Variants in RAB27B observed in about 807,000 individuals in gnomAD.
RAB27B encodes the protein RAB27B, member RAS oncogene family.
Under a neutral mutation model 24.6 loss-of-function variants are expected in RAB27B, and 15 were observed. The observed-to-expected ratio is 0.61, with a 90% confidence interval of 0.41 to 0.94. The LOEUF is 0.94. RAB27B is among the 40% of genes least tolerant of loss of function. RAB27B has a pLI of 0.00. For missense variants in RAB27B, 261 were observed against 266.8 expected (o/e 0.98, Z 0.15); for synonymous variants, 105 against 92.5 (o/e 1.14, Z -0.78).
chr18:54,832,356 G>A (rs1910715177), intron 1 of RAB27B, among the ~76,000 whole-genome samples: 1 of 152,218 alleles, frequency 6.6e-6, no homozygotes, highest in African/African-American at 2.4e-5. Context: ...TGGGTAGACA[G>A]AAGGCCATTT....
At chr18:54,786,324 T>C (rs1254653977) in intron 2 of RAB27B, among the ~76,000 whole-genome samples, 2 of 152,234 alleles carry the variant, frequency 1.3e-5, no homozygotes, top group Non-Finnish European at 2.9e-5. Flanking sequence ...CCAGACCTGT[T>C]CTTACTTTTC....
intron 1 of RAB27B, among the ~76,000 whole-genome samples, chr18:54,873,508 G>A (rs952251206): frequency 6.6e-6 from 1 of 152,110 alleles, no homozygotes; most frequent in African/African-American, 2.4e-5. Context: ...AAACTTGTCA[G>A]CCTTTTGATC....
chr18:54,718,139 G>A (rs1909247097), exon 2 of RAB27B: 1 of 152,180 alleles, frequency 6.6e-6, no homozygotes, highest in Non-Finnish European at 1.5e-5. Flanking sequence ...GGCGTTTGGA[G>A]GTGTGAGTAC....
At chr18:54,756,728 A>G (rs1366444022) in intron 2 of RAB27B, among the ~76,000 whole-genome samples, 3 of 152,180 alleles carry the variant, frequency 2.0e-5, no homozygotes, top group Non-Finnish European at 4.4e-5. Context: ...TTAAATGAAT[A>G]TGGATGAATG....
intron 1 of RAB27B, among the ~76,000 whole-genome samples, chr18:54,858,525 A>G (rs1911880361): frequency 6.9e-6 from 1 of 144,132 alleles, no homozygotes; most frequent in South Asian, 2.1e-4. Context: ...CTGGGACTAC[A>G]GGTGCCTGCC....
chr18:54,884,562 T>G, intron 4 of RAB27B, 126 bp downstream of exon 4: 1 of 616,666 alleles, frequency 1.6e-6, no homozygotes, highest in Non-Finnish European at 2.9e-6. Context: ...GAGTTTAGTG[T>G]TGCCTGTGCC....
At chr18:54,741,873 CAGT>C (rs1439156742) in intron 2 of RAB27B, among the ~76,000 whole-genome samples, 1 of 152,118 alleles carries the variant, frequency 6.6e-6, no homozygotes, top group East Asian at 1.9e-4. Context: ...CCTAAGCTGG[CAGT>C]AGGTAAGAAG....
At position 54,848,949 on chromosome 18, in the gene RAB27B, T is replaced by G. The variant is rs76438330; in HGVS notation, c.-20+20249T>G. On this transcript the variant is annotated intron_variant, in intron 1 of 5. Transcript: ENST00000262094. Reference sequence around the variant, plus strand: ...GATTAGAAATAAATAAGAAATAGAATATTCAAATAATGGCTCAAACACTGC... The same window carrying G: ...GATTAGAAATAAATAAGAAATAGAAGATTCAAATAATGGCTCAAACACTGC... Among the ~76,000 whole-genome samples, 36 of 152,338 alleles carry G rather than the reference T, an allele frequency of 2.4e-4. No individual in the cohort carries two copies. The East Asian group carries it at 6.7e-3, about 29-fold the overall frequency.
intron 2 of RAB27B, among the ~76,000 whole-genome samples, chr18:54,720,719 T>C (rs1909332723): frequency 6.6e-6 from 1 of 152,056 alleles, no homozygotes; most frequent in African/African-American, 2.4e-5. Flanking sequence ...CAATAAGTCA[T>C]CCAGGGACCA....
chr18:54,774,366 C>T (rs1460214207), intron 2 of RAB27B, among the ~76,000 whole-genome samples: 1 of 152,184 alleles, frequency 6.6e-6, no homozygotes, highest in Admixed American at 6.5e-5. Context: ...CTTCCAACAA[C>T]TTAAAGAAGG....
At chr18:54,796,994 T>C (rs943572255) in intron 2 of RAB27B, among the ~76,000 whole-genome samples, 3 of 152,234 alleles carry the variant, frequency 2.0e-5, no homozygotes, top group African/African-American at 7.2e-5. Flanking sequence ...CCGTCTTTTC[T>C]CCATTTCAGA....
intron 1 of RAB27B, among the ~76,000 whole-genome samples, chr18:54,871,152 A>T (rs150992699): frequency 1.5e-3 from 233 of 152,364 alleles, no homozygotes; most frequent in African/African-American, 5.2e-3. Flanking sequence ...AGTCTTTAAG[A>T]AGAGTTGAAA....
At chr18:54,728,892 A>AAAAAAAAAAAC in intron 2 of RAB27B, among the ~76,000 whole-genome samples, 1 of 102,566 alleles carries the variant, frequency 9.7e-6, no homozygotes, top group Non-Finnish European at 2.1e-5. Flanking sequence ...AAAAAAAAAA[A>AAAAAAAAAAAC]AAAAAAAACC....
upstream of RAB27B, among the ~76,000 whole-genome samples, chr18:54,827,635 T>A (rs977849404): frequency 6.6e-6 from 1 of 152,222 alleles, no homozygotes; most frequent in Non-Finnish European, 1.5e-5. Context: ...GTAATTAAAA[T>A]TCAAGCAGTC....
intron 2 of RAB27B, among the ~76,000 whole-genome samples, chr18:54,790,798 A>G (rs891388014): frequency 6.6e-6 from 1 of 152,194 alleles, no homozygotes; most frequent in Non-Finnish European, 1.5e-5. Flanking sequence ...TGACTTGTTA[A>G]ATATTGTCAA....
intron 2 of RAB27B, among the ~76,000 whole-genome samples, chr18:54,792,729 G>A (rs1909290546): frequency 6.6e-6 from 1 of 151,712 alleles, no homozygotes; most frequent in Admixed American, 6.6e-5. Context: ...TGGTGTTAAG[G>A]AACTCGTGAA....
At chr18:54,748,703 G>A (rs910029536) in intron 2 of RAB27B, among the ~76,000 whole-genome samples, 5 of 152,190 alleles carry the variant, frequency 3.3e-5, no homozygotes, top group Admixed American at 2.6e-4. Context: ...CAGTGGTGAT[G>A]GGGTCAAAGG....
chr18:54,855,136 C>T (rs1911730398), intron 1 of RAB27B, among the ~76,000 whole-genome samples: 1 of 152,186 alleles, frequency 6.6e-6, no homozygotes, highest in African/African-American at 2.4e-5. Flanking sequence ...AAGAAGCGTG[C>T]AACCCAGATC....
chr18:54,838,793 A>AT (rs1016498776), intron 1 of RAB27B, among the ~76,000 whole-genome samples: 1 of 151,902 alleles, frequency 6.6e-6, no homozygotes, highest in Non-Finnish European at 1.5e-5. Context: ...GTGGTCTTTA[A>AT]TTTTTTTTCT....
Sources: allele counts gnomAD v4.1 joint callset (sites outside exome capture counted in the v4.1 genomes callset), GRCh38; gene constraint gnomAD v4.1.1; transcripts MANE v1.5; gene names NCBI Gene and HGNC (gene_info 2026-07-23, HGNC 2026-07-21).